The following SIK3 variants were observed in gnomAD, a reference collection of about 807,000 sequenced individuals.
The protein encoded by SIK3 is SIK family kinase 3.
A neutral mutation model predicts 144.2 loss-of-function variants in SIK3; 28 were observed. That is an observed-to-expected ratio of 0.19 (90% CI 0.14 to 0.27). SIK3 has a LOEUF of 0.27. Among genes scored for constraint, SIK3 ranks in the 10% least tolerant of loss-of-function variants. SIK3 has a pLI of 1.00. For synonymous variants in SIK3, 686 were observed against 676.3 expected (o/e 1.01, Z -0.22); for missense variants, 1,319 against 1,776.0 (o/e 0.74, Z 4.62).
chr11:116,975,931 T>C (rs558098294), intron 1 of SIK3, among the ~76,000 whole-genome samples: 15 of 152,336 alleles, frequency 9.8e-5, no homozygotes, highest in East Asian at 3.9e-4. Flanking sequence ...TGGTATCTCA[T>C]TGAGGATTTC....
chr11:116,950,092 C>T, intron 3 of SIK3: 1 of 470,488 alleles, frequency 2.1e-6, no homozygotes, highest in South Asian at 1.5e-5. Context: ...GTCTTAATAC[C>T]CAAGGCAAGA....
chr11:116,977,563 C>T (rs985662666), intron 1 of SIK3, among the ~76,000 whole-genome samples: 19 of 152,072 alleles, frequency 1.2e-4, no homozygotes, highest in African/African-American at 4.3e-4. Flanking sequence ...CACATTCCTT[C>T]GGAAAAGGAA....
chr11:116,882,238 A>C (rs1763494568), intron 6 of SIK3, among the ~76,000 whole-genome samples: 1 of 152,210 alleles, frequency 6.6e-6, no homozygotes, highest in South Asian at 2.1e-4. Flanking sequence ...ACATGAGAAC[A>C]CTAAATGGGG....
chr11:116,872,159 A>G (rs1436857943), intron 13 of SIK3, among the ~76,000 whole-genome samples: 1 of 152,248 alleles, frequency 6.6e-6, no homozygotes, highest in Admixed American at 6.5e-5. Context: ...CACAGACACC[A>G]AGAACAGAAA....
intron 6 of SIK3, among the ~76,000 whole-genome samples, chr11:116,887,612 C>CA (rs58936458): frequency 0.16 from 15,779 of 96,472 alleles, 1,430 homozygotes; most frequent in African/African-American, 0.32. Context: ...ATCTGTCTCC[C>CA]AAAAAAAAAA....
intron 1 of SIK3, among the ~76,000 whole-genome samples, chr11:116,974,704 T>C (rs1949886618): frequency 1.3e-5 from 2 of 152,224 alleles, no homozygotes; most frequent in South Asian, 4.1e-4. Context: ...CTTGAAATCT[T>C]TTTTAAAAAT....
chr11:116,953,946 A>C, intron 3 of SIK3, 98 bp downstream of exon 3: 1 of 852,126 alleles, frequency 1.2e-6, no homozygotes, highest in South Asian at 1.6e-5. Context: ...AACAGCATCA[A>C]GTGACTGCTG....
At chr11:117,031,381 T>A (rs1387124371) in intron 1 of SIK3, among the ~76,000 whole-genome samples, 1 of 150,534 alleles carries the variant, frequency 6.6e-6, no homozygotes, top group Non-Finnish European at 1.5e-5. Context: ...TTTTTTTTTG[T>A]CTTATAGCTG....
At position 116,927,306 on chromosome 11, in the gene SIK3, A is replaced by T; in HGVS notation, c.529T>A (p.Tyr177Asn). 1.9e-6 allele frequency: 3 copies of T among 1,614,122 alleles called. No homozygotes were observed. Among genetic ancestry groups the T allele is most frequent in the Non-Finnish European group, 2.5e-6 (3 of 1,179,942 alleles). The change falls in exon 4 of 25, where the codon TAT becomes AAT. Residue 177 changes from tyrosine to asparagine, a missense_variant. By Grantham distance (143) the Tyr-to-Asn change is moderately radical. This residue lies in a region of SIK3 where 125 missense variants were observed against 285.2 expected (regional missense o/e 0.44). Coordinates refer to ENST00000445177, the MANE Select transcript of SIK3 (RefSeq NM_001366686.3). ...ACAATGTTCCGACAGTGACAAAAAT[A>T]GACAGCTGTGACGATCTGTTTGAAC... The part of the protein sequence containing the change: ...RKFKQIVTAV[Y>N]FCHCRNIVHR...
chr11:117,013,955 A>ATTTT (rs1951402523), intron 1 of SIK3, among the ~76,000 whole-genome samples: 1 of 9,928 alleles, frequency 1.0e-4, no homozygotes, highest in African/African-American at 2.8e-4. Context: ...TGTGTGTTTT[A>ATTTT]TTTCTTTTTT....
chr11:116,870,475 T>C, intron 13 of SIK3, 74 bp from the exon 14 acceptor site: 1 of 1,601,918 alleles, frequency 6.2e-7, no homozygotes, highest in African/African-American at 1.3e-5. Context: ...GTAACTGGGC[T>C]TGGGGCAGGA....
intron 1 of SIK3, among the ~76,000 whole-genome samples, chr11:116,963,755 C>T (rs764557902): frequency 2.0e-5 from 3 of 152,152 alleles, no homozygotes; most frequent in Non-Finnish European, 2.9e-5. Context: ...ACTCAATTTT[C>T]TTTTCTATAG....
At chr11:117,075,515 C>A (rs1287361361) in intron 1 of SIK3, among the ~76,000 whole-genome samples, 1 of 151,726 alleles carries the variant, frequency 6.6e-6, no homozygotes, top group African/African-American at 2.4e-5. Context: ...CTATGTATAT[C>A]CACATTCTAT....
Position 116,846,293 on chromosome 11 carries a change from A to G in SIK3, c.*13+90T>C. 2.2e-6 allele frequency: 3 copies of G among 1,384,702 alleles called. No individual in the cohort carries two copies. The highest frequency in any genetic ancestry group is 4.6e-5 in the East Asian group (2 of 43,572). The allele number at this position is 1,384,702 out of a possible 1,614,324, so 85.8% of individuals were successfully genotyped here. On this transcript the variant is annotated intron_variant, in intron 24 of 24. Coordinates refer to ENST00000445177, the MANE Select transcript of SIK3 (RefSeq NM_001366686.3). The surrounding 1 kb of genome is among the most constrained non-coding windows in gnomAD (Gnocchi z 4.1). ...CGTGGTACTGTCGACTGCACTGGCCACCACAACACATGGGCTGAAGCTCCT... is the reference window on the plus strand; with the variant it reads ...CGTGGTACTGTCGACTGCACTGGCCGCCACAACACATGGGCTGAAGCTCCT...
chr11:117,069,884 T>C lies in SIK3; in HGVS notation c.273+28259A>G, dbSNP rs796383998. Among the ~76,000 whole-genome samples the C allele has an allele frequency of 9.8e-5, 15 of 152,326 alleles. 1 individual carries two copies. Among genetic ancestry groups the C allele is most frequent in the African/African-American group, 3.6e-4 (15 of 41,580 alleles). On this transcript the variant is annotated intron_variant, in intron 1 of 24. Coordinates refer to ENST00000445177, the MANE Select transcript of SIK3 (RefSeq NM_001366686.3). ...TAACATCATAAAATGTAAATAATGT[T>C]GGCCCATTAAAAGATTATTTTCTAT...
intron 1 of SIK3, among the ~76,000 whole-genome samples, chr11:117,016,915 G>A: frequency 6.6e-6 from 1 of 152,026 alleles, no homozygotes; most frequent in Middle Eastern, 3.2e-3. Context: ...TCATGCAGTG[G>A]AATACTATAC....
chr11:117,033,544 A>G (rs1952357078), intron 1 of SIK3, among the ~76,000 whole-genome samples: 1 of 151,914 alleles, frequency 6.6e-6, no homozygotes, highest in South Asian at 2.1e-4. Context: ...TACTAAAAAT[A>G]CAAAACAAAA....
intron 1 of SIK3, among the ~76,000 whole-genome samples, chr11:117,009,786 A>G (rs1951186974): frequency 1.3e-5 from 2 of 152,120 alleles, no homozygotes; most frequent in Non-Finnish European, 2.9e-5. Context: ...AAATTTTCTG[A>G]GTCTAAATTT....
At chr11:116,956,909 G>T in intron 2 of SIK3, 39 bp downstream of exon 2, 1 of 1,280,122 alleles carries the variant, frequency 7.8e-7, no homozygotes, top group East Asian at 2.5e-5. Flanking sequence ...CAATATTCTG[G>T]GTTCTTTGCA....
Sources: gnomAD v4.1 joint callset for allele counts (sites outside exome capture counted in the v4.1 genomes callset) on GRCh38, gnomAD v4.1.1 for gene constraint, gnomAD v4.1.1 regional missense constraint, Gnocchi (gnomAD v3.1) non-coding constraint, MANE v1.5 for transcripts, NCBI Gene and HGNC (gene_info 2026-07-23, HGNC 2026-07-21) for gene names.